The following GRM4 variants were observed in gnomAD, a reference collection of about 807,000 sequenced individuals.
The protein encoded by GRM4 is glutamate metabotropic receptor 4.
Under a neutral mutation model 81.7 loss-of-function variants are expected in GRM4, and 28 were observed. That is an observed-to-expected ratio of 0.34 (90% confidence interval 0.25 to 0.47). The LOEUF (loss-of-function observed/expected upper bound fraction) is 0.47. GRM4 is among the 20% of genes least tolerant of loss of function. The probability of loss-of-function intolerance (pLI) is 1.00; values close to 1 mark genes in which losing one functional copy is unlikely to be tolerated. For missense variants in GRM4, 948 were observed against 1,290.0 expected (o/e 0.73, Z 4.06); for synonymous variants, 488 against 528.8 (o/e 0.92, Z 1.06).
chr6:34,144,113 G>T (rs905982303), intron 1 of GRM4, among the ~76,000 whole-genome samples: 2 of 152,240 alleles, frequency 1.3e-5, no homozygotes, highest in Non-Finnish European at 2.9e-5. Flanking sequence ...CTGAAAGTCT[G>T]AGGGCGGGAT....
intron 10 of GRM4, among the ~76,000 whole-genome samples, chr6:34,027,651 C>G (rs1039521947): frequency 1.2e-4 from 18 of 152,206 alleles, no homozygotes; most frequent in African/African-American, 4.3e-4. Context: ...GCTCCCACCC[C>G]ACCGGGTTAC....
rs1275113390 is a variant in GRM4, at chr6:34,121,031, G to A, written c.519+11947C>T. Reference sequence around the variant, plus strand: ...TGTTTTAAATCATTTATTAAGATACGTGCACACCTTGGTGAAAGAGAGTAA... The same window carrying A: ...TGTTTTAAATCATTTATTAAGATACATGCACACCTTGGTGAAAGAGAGTAA... On this transcript the variant is annotated intron_variant, in intron 2 of 10. Coordinates refer to ENST00000538487, the MANE Select transcript of GRM4 (RefSeq NM_000841.4). The surrounding 1 kb of genome is among the most constrained non-coding windows in gnomAD (Gnocchi z 4.6). Among the ~76,000 whole-genome samples the A allele has an allele frequency of 2.6e-5, 4 of 152,042 alleles. No homozygotes were observed. Among genetic ancestry groups the A allele is most frequent in the African/African-American group, 9.7e-5 (4 of 41,388 alleles).
chr6:34,075,344 C>T (rs1329039685), intron 3 of GRM4, among the ~76,000 whole-genome samples: 1 of 152,234 alleles, frequency 6.6e-6, no homozygotes, highest in Non-Finnish European at 1.5e-5. Context: ...ACCTCTACCA[C>T]AGCAGGACCA....
Position 34,059,411 on chromosome 6 carries a change from G to A in GRM4, c.873-283C>T. 1 of 451,598 alleles carries A rather than the reference G, an allele frequency of 2.2e-6. No homozygotes were observed. The highest frequency in any genetic ancestry group is 2.6e-5 in the South Asian group (1 of 38,428). The allele number at this position is 451,598 out of a possible 1,614,324, so 28.0% of individuals were successfully genotyped here. A position where few individuals can be genotyped will look rare whatever the true frequency, so the allele number is the denominator to read the frequency against. On this transcript the variant is annotated intron_variant, in intron 4 of 10. Transcript: ENST00000538487. The surrounding 1 kb of genome is among the most constrained non-coding windows in gnomAD (Gnocchi z 5.7). Reference sequence around the variant, plus strand: ...CCAGGCCTACATCTGTCCCTGCAAAGACCACACCTCTCCCCTCCAGATCCA... The same window carrying A: ...CCAGGCCTACATCTGTCCCTGCAAAAACCACACCTCTCCCCTCCAGATCCA...
chr6:34,100,513 C>G (rs1768778359), intron 2 of GRM4, among the ~76,000 whole-genome samples: 1 of 152,238 alleles, frequency 6.6e-6, no homozygotes, highest in Admixed American at 6.5e-5. Flanking sequence ...CATACACTCT[C>G]CCAGCATCCA....
At chr6:34,140,955 G>A (rs1465844534) in intron 1 of GRM4, among the ~76,000 whole-genome samples, 1 of 152,204 alleles carries the variant, frequency 6.6e-6, no homozygotes, top group East Asian at 1.9e-4. Flanking sequence ...CTGCACCGAG[G>A]TCAGGCACTG....
chr6:34,143,016 T>C (rs1364418824), intron 1 of GRM4, among the ~76,000 whole-genome samples: 1 of 152,130 alleles, frequency 6.6e-6, no homozygotes, highest in Non-Finnish European at 1.5e-5. Context: ...GAGCACTCCT[T>C]TGGGTTAAGC....
intron 6 of GRM4, among the ~76,000 whole-genome samples, chr6:34,044,331 CACAG>C (rs1167692289): frequency 1.7e-4 from 26 of 150,704 alleles, no homozygotes; most frequent in African/African-American, 4.9e-4. Flanking sequence ...CACACATACA[CACAG>C]ACATACATAC....
At position 34,040,319 on chromosome 6, in the gene GRM4, A is replaced by G. The variant is rs1423926540; in HGVS notation, c.1370-5T>C. The G allele has an allele frequency of 1.2e-6, 2 of 1,613,644 alleles. No individual in the cohort carries two copies. Among genetic ancestry groups the G allele is most frequent in the Non-Finnish European group, 1.7e-6 (2 of 1,179,784 alleles). Reference sequence around the variant, plus strand: ...TCACAGGGTTCCCTGCGATGCCTGTAAGGGTGGGCGGGTGTCTTTGCAGAG... The same window carrying G: ...TCACAGGGTTCCCTGCGATGCCTGTGAGGGTGGGCGGGTGTCTTTGCAGAG... On this transcript the variant is annotated splice_region_variant and splice_polypyrimidine_tract_variant and intron_variant, in intron 7 of 10. Transcript: ENST00000538487.
In GRM4 at chr6:34,068,059, G is replaced by A. The variant is rs973410036; in HGVS notation, c.737-6031C>T. ...GCAGCCATGCAGAGGACAGAAGCCC[G>A]GCGCCATGCAGCCTGCGTCCCAGGG... is the stretch of plus-strand genomic sequence containing the variant. On this transcript the variant is annotated intron_variant, in intron 3 of 10. Transcript: ENST00000538487. This position sits in a 1 kb window ranked among gnomAD's most constrained non-coding sequence, Gnocchi z 4.2. Among the ~76,000 whole-genome samples, 1 of 152,224 alleles carries A rather than the reference G, an allele frequency of 6.6e-6. No homozygotes were observed. The highest frequency in any genetic ancestry group is 6.5e-5 in the Admixed American group (1 of 15,286).
In GRM4 at chr6:34,090,397, T is replaced by C. The variant is rs937037; in HGVS notation, c.736+1486A>G. ...CAGAGTGGGAGGTGCTGTCCAGAGGTAGGTGCCCAGGTCTTGGGTCTGAGC... is the reference window on the plus strand; with the variant it reads ...CAGAGTGGGAGGTGCTGTCCAGAGGCAGGTGCCCAGGTCTTGGGTCTGAGC... On this transcript the variant is annotated intron_variant, in intron 3 of 10. Coordinates refer to ENST00000538487, the MANE Select transcript of GRM4 (RefSeq NM_000841.4). This position sits in a 1 kb window ranked among gnomAD's most constrained non-coding sequence, Gnocchi z 5.2. Among the ~76,000 whole-genome samples, 1,575 of 151,910 alleles carry C rather than the reference T, an allele frequency of 0.01. 25 individuals are homozygous for C. Among genetic ancestry groups the C allele is most frequent in the African/African-American group, 0.032 (1,342 of 41,394 alleles).
At chr6:34,116,551 A>G (rs1769604889) in intron 2 of GRM4, among the ~76,000 whole-genome samples, 1 of 152,218 alleles carries the variant, frequency 6.6e-6, no homozygotes, top group African/African-American at 2.4e-5. Flanking sequence ...ATGTGGAATT[A>G]CCAAAGCAAA....
chr6:34,069,774 C>T lies in GRM4; in HGVS notation c.737-7746G>A, dbSNP rs981232245. Among the ~76,000 whole-genome samples, 26 of 152,084 alleles carry T rather than the reference C, an allele frequency of 1.7e-4. No homozygotes were observed. The highest frequency in any genetic ancestry group is 2.4e-4 in the African/African-American group (10 of 41,392). ...TTTACTGCAACATCCAGGACTGCCC[C>T]AGTCCCCACCAGGATCCACCCATCT... On this transcript the variant is annotated intron_variant, in intron 3 of 10. Transcript: ENST00000538487. This position sits in a 1 kb window ranked among gnomAD's most constrained non-coding sequence, Gnocchi z 6.4.
intron 10 of GRM4, among the ~76,000 whole-genome samples, chr6:34,023,284 T>A (rs1381409861): frequency 6.6e-6 from 1 of 152,224 alleles, no homozygotes; most frequent in Non-Finnish European, 1.5e-5. Context: ...AAGAAACCTT[T>A]TTTTATGACA....
At chr6:34,141,850 G>A (rs934462903) in intron 1 of GRM4, among the ~76,000 whole-genome samples, 1 of 152,198 alleles carries the variant, frequency 6.6e-6, no homozygotes, top group Non-Finnish European at 1.5e-5. Flanking sequence ...AGGGCAGGCA[G>A]GGAGAAGGAA....
intron 2 of GRM4, among the ~76,000 whole-genome samples, chr6:34,119,839 T>C (rs529997043): frequency 2.6e-5 from 4 of 152,132 alleles, no homozygotes; most frequent in South Asian, 2.1e-4. Flanking sequence ...TGGTGGGGCG[T>C]AGAGGGGGCA....
intron 1 of GRM4, among the ~76,000 whole-genome samples, chr6:34,144,047 G>T (rs974919087): frequency 6.6e-6 from 1 of 152,244 alleles, no homozygotes; most frequent in African/African-American, 2.4e-5. Context: ...CCGCGCCAGG[G>T]GCCGGCAATG....
chr6:34,146,698 G>T (rs1770940647), upstream of GRM4, among the ~76,000 whole-genome samples: 1 of 152,222 alleles, frequency 6.6e-6, no homozygotes, highest in African/African-American at 2.4e-5. Context: ...GAGCTGGAGA[G>T]GTTGGCCAGA....
At position 34,041,761 on chromosome 6, in the gene GRM4, G is replaced by C. The variant is rs150692302; in HGVS notation, c.1169-1013C>G. 7.2e-3 allele frequency among the ~76,000 whole-genome samples: 1,102 copies of C among 152,354 alleles called. 5 individuals carry two copies. The highest frequency in any genetic ancestry group is 0.011 in the Non-Finnish European group (769 of 68,026). On this transcript the variant is annotated intron_variant, in intron 6 of 10. Transcript: ENST00000538487. The stretch of plus-strand genomic sequence containing the variant: ...GGGCTGGAGCAGGTGGGACGACTTT[G>C]TGGAGGGGAAGGTGGTTCTTGGCCT...
Sources: allele counts gnomAD v4.1 joint callset (sites outside exome capture counted in the v4.1 genomes callset), GRCh38; gene constraint gnomAD v4.1.1; non-coding constraint Gnocchi (gnomAD v3.1); transcripts MANE v1.5; gene names NCBI Gene and HGNC (gene_info 2026-07-23, HGNC 2026-07-21).